Variants in FRMD4A observed in about 807,000 individuals in gnomAD.
The protein encoded by FRMD4A is FERM domain containing 4A.
A neutral mutation model predicts 129.1 loss-of-function variants in FRMD4A; 29 were observed. That is an observed-to-expected ratio of 0.22 (90% CI 0.17 to 0.31). The LOEUF is 0.31. Among genes scored for constraint, FRMD4A ranks in the 10% least tolerant of loss-of-function variants. The probability of loss-of-function intolerance (pLI) is 1.00; values close to 1 mark genes in which losing one functional copy is unlikely to be tolerated. For synonymous variants in FRMD4A, 634 were observed against 571.6 expected, an observed-to-expected ratio of 1.11 and a Z score of -1.56; for missense variants, 1,272 against 1,375.8, an observed-to-expected ratio of 0.92 and a Z score of 1.19.
At chr10:14,256,192 A>G (rs554107081) in intron 2 of FRMD4A, among the ~76,000 whole-genome samples, 1 of 152,130 alleles carries the variant, frequency 6.6e-6, no homozygotes, top group Non-Finnish European at 1.5e-5. Flanking sequence ...AGACGGCAAT[A>G]ATTGAAAAAT....
intron 2 of FRMD4A, among the ~76,000 whole-genome samples, chr10:14,125,093 A>G (rs1019321377): frequency 6.6e-6 from 1 of 152,196 alleles, no homozygotes; most frequent in Admixed American, 6.5e-5. Context: ...CAACTCAGCT[A>G]TCACCGGAAT....
chr10:14,165,205 G>A (rs1002260151), intron 2 of FRMD4A, among the ~76,000 whole-genome samples: 6 of 152,184 alleles, frequency 3.9e-5, no homozygotes, highest in African/African-American at 1.4e-4. Context: ...AATGGGCAGA[G>A]GACATGAACA....
At chr10:13,664,746 A>G (rs2025718) in intron 18 of FRMD4A, among the ~76,000 whole-genome samples, 117,148 of 151,646 alleles carry the variant, frequency 0.77, 46,004 homozygotes, top group East Asian at 0.86. Context: ...TATTGCCCAG[A>G]CTGGCACGCA....
At chr10:13,916,861 A>G (rs933749617) in intron 2 of FRMD4A, among the ~76,000 whole-genome samples, 4 of 152,154 alleles carry the variant, frequency 2.6e-5, no homozygotes, top group African/African-American at 7.2e-5. Flanking sequence ...TTTCCCCCCA[A>G]AAAAGAAAGA....
chr10:13,810,979 G>A lies in FRMD4A; in HGVS notation c.112-71C>T, dbSNP rs145461308. On this transcript the variant is annotated intron_variant, in intron 3 of 24. Coordinates refer to ENST00000357447, the MANE Select transcript of FRMD4A (RefSeq NM_018027.5). The stretch of plus-strand genomic sequence containing the variant: ...CTTTTCCTAAAATATGCAATCTCAG[G>A]TTTCCATAATTTTTTCAATGAAATG... The A allele has an allele frequency of 2.8e-4, 211 of 745,770 alleles. 1 individual carries two copies. In the African/African-American group the frequency reaches 3.6e-3, roughly 13 times the overall value. The allele number at this position is 745,770 out of a possible 1,614,324, so 46.2% of individuals were successfully genotyped here. A position where few individuals can be genotyped will look rare whatever the true frequency, so the allele number is the denominator to read the frequency against.
intron 12 of FRMD4A, among the ~76,000 whole-genome samples, chr10:13,709,195 C>A (rs1589481440): frequency 1.3e-5 from 2 of 152,196 alleles, no homozygotes; most frequent in East Asian, 3.8e-4. Flanking sequence ...AACTCCTGGG[C>A]TCAAGTGATC....
At chr10:13,790,488 A>G (rs1026489182) in intron 5 of FRMD4A, among the ~76,000 whole-genome samples, 1 of 152,164 alleles carries the variant, frequency 6.6e-6, no homozygotes, top group Non-Finnish European at 1.5e-5. Flanking sequence ...CGTGGACACC[A>G]GGGCTCAAGG....
chr10:14,091,288 A>G (rs1836646622), intron 2 of FRMD4A, among the ~76,000 whole-genome samples: 2 of 152,214 alleles, frequency 1.3e-5, no homozygotes, highest in African/African-American at 4.8e-5. Flanking sequence ...GGCATTAAAA[A>G]AAAGGCAAAC....
chr10:14,094,590 C>T (rs1836843897), intron 2 of FRMD4A, among the ~76,000 whole-genome samples: 1 of 152,100 alleles, frequency 6.6e-6, no homozygotes. Context: ...GGGCATGGTA[C>T]TGATTCAGTG....
intron 2 of FRMD4A, among the ~76,000 whole-genome samples, chr10:14,008,862 T>C (rs1276768450): frequency 6.6e-6 from 1 of 152,174 alleles, no homozygotes; most frequent in African/African-American, 2.4e-5. Flanking sequence ...AACGCACGGG[T>C]ATTACTCACT....
At chr10:13,832,148 G>A (rs1439274217) in intron 3 of FRMD4A, among the ~76,000 whole-genome samples, 1 of 148,262 alleles carries the variant, frequency 6.7e-6, no homozygotes, top group East Asian at 2.0e-4. Flanking sequence ...CGAGTTGCCG[G>A]CCCAGCTCAC....
chr10:13,699,546 G>A lies in FRMD4A; in HGVS notation c.975+1794C>T, dbSNP rs150294970. Among the ~76,000 whole-genome samples the A allele has an allele frequency of 1.7e-3, 257 of 152,268 alleles. 1 individual carries two copies. The highest frequency in any genetic ancestry group is 5.7e-3 in the African/African-American group (235 of 41,544). On this transcript the variant is annotated intron_variant, in intron 14 of 24. Transcript: ENST00000357447. Reference sequence around the variant, plus strand: ...AGAGACCGCCTATGCAAAAACCGGCGCAGAGAGGAGGAGCTTGAACAGCCA... The same window carrying A: ...AGAGACCGCCTATGCAAAAACCGGCACAGAGAGGAGGAGCTTGAACAGCCA...
rs566060233 is a variant in FRMD4A, at chr10:14,244,369, T to TA, written c.45+85688dup. ...TGACTAGCGTCTAACTAATGAGCTGTAAGCAGAAGCAACAAGTGTCAGTTC... is the reference window on the plus strand; with the variant it reads ...TGACTAGCGTCTAACTAATGAGCTGTAAAGCAGAAGCAACAAGTGTCAGTTC... On this transcript the variant is annotated intron_variant, in intron 2 of 24. Coordinates refer to ENST00000357447, the MANE Select transcript of FRMD4A (RefSeq NM_018027.5). Among the ~76,000 whole-genome samples the TA allele has an allele frequency of 3.3e-5, 5 of 152,326 alleles. No individual in the cohort carries two copies. The South Asian group carries it at 1.0e-3, about 32-fold the overall frequency.
chr10:14,147,988 G>C (rs753645415), intron 2 of FRMD4A, among the ~76,000 whole-genome samples: 3 of 152,166 alleles, frequency 2.0e-5, no homozygotes, highest in Non-Finnish European at 4.4e-5. Flanking sequence ...ACCTCAAGGT[G>C]TTCTAGGATA....
rs75727770 is a variant in FRMD4A at position 13,934,469 on chromosome 10, CTT to C, written c.46-75559_46-75558del. Among the ~76,000 whole-genome samples the C allele has an allele frequency of 3.1e-3, 459 of 147,940 alleles. 4 individuals carry two copies. The highest frequency in any genetic ancestry group is 0.011 in the African/African-American group (433 of 40,486). On this transcript the variant is annotated intron_variant, in intron 2 of 24. Coordinates refer to ENST00000357447, the MANE Select transcript of FRMD4A (RefSeq NM_018027.5). ...AGTGTCCTAGTCATTCATTTTAAAA[CTT>C]TTTTTTTTTTTAAATGGAGATGCTG...
rs201768880 is a variant in FRMD4A at position 13,986,687 on chromosome 10, AG to A, written c.46-127776del. Among the ~76,000 whole-genome samples the A allele has an allele frequency of 3.0e-5, 4 of 131,554 alleles. No homozygotes were observed. The East Asian group carries it at 9.5e-4, about 31-fold the overall frequency. 86.3% of individuals were successfully genotyped at this position (131,554 alleles called of 152,430 possible). A position where few individuals can be genotyped will look rare whatever the true frequency, so the allele number is the denominator to read the frequency against. On this transcript the variant is annotated intron_variant, in intron 2 of 24. Transcript: ENST00000357447. ...TAAATAAATAAATAAAATAAATATA[AG>A]GAAAAAAAAAAAAGAAAAGCTTTTC...
At chr10:13,951,750 C>T (rs562863282) in intron 2 of FRMD4A, among the ~76,000 whole-genome samples, 5 of 151,966 alleles carry the variant, frequency 3.3e-5, no homozygotes, top group East Asian at 3.9e-4. Context: ...ATTAGCCAGG[C>T]GTGGTGGCGG....
At position 13,762,653 on chromosome 10, in the gene FRMD4A, C is replaced by G; in HGVS notation, c.412G>C (p.Val138Leu). The change falls in exon 7 of 25, where the codon GTG becomes CTG. Residue 138 changes from valine (V) to leucine (L), a missense_variant. Physicochemically the swap from Val to Leu is conservative, Grantham distance 32 (BLOSUM62 1). Around this residue, in one of 2 missense-constraint regions of FRMD4A, gnomAD observed 300 missense variants for 483.6 expected, o/e 0.62. Transcript: ENST00000357447. ...AAAATATAGGAAGCTAATTCAAACACCACTTCGCTGTCAACGTCAATAAGC... is the reference window on the plus strand; with the variant it reads ...AAAATATAGGAAGCTAATTCAAACAGCACTTCGCTGTCAACGTCAATAAGC... ...KELIDVDSEVVFELASYILQE... is the reference protein window; with the variant it reads ...KELIDVDSEVLFELASYILQE... The G allele has an allele frequency of 6.2e-7, 1 of 1,608,576 alleles. No homozygotes were observed. Among genetic ancestry groups the G allele is most frequent in the South Asian group, 1.1e-5 (1 of 90,918 alleles).
chr10:13,835,677 A>G (rs574174151), intron 3 of FRMD4A, among the ~76,000 whole-genome samples: 3 of 152,080 alleles, frequency 2.0e-5, no homozygotes, highest in East Asian at 3.9e-4. Context: ...GTCTCCCATC[A>G]CCCCCAGATG....
Sources: gnomAD v4.1 joint callset for allele counts (sites outside exome capture counted in the v4.1 genomes callset) on GRCh38, gnomAD v4.1.1 for gene constraint, gnomAD v4.1.1 regional missense constraint, MANE v1.5 for transcripts, NCBI Gene and HGNC (gene_info 2026-07-23, HGNC 2026-07-21) for gene names.